The following SNX3 variants were observed in gnomAD, a reference collection of about 807,000 sequenced individuals.
SNX3 encodes sorting nexin 3, also known as sorting nexin-3.
SNX3 carries 5 observed loss-of-function variants against 17.7 expected under a neutral mutation model. The ratio of observed to expected loss-of-function variants is 0.28; its 90% confidence interval spans 0.15 to 0.59. SNX3 has a LOEUF of 0.59. SNX3 is among the 20% of genes least tolerant of loss of function. The pLI, the probability that SNX3 is intolerant of heterozygous loss-of-function variation, is 0.88. For synonymous variants in SNX3, 91 were observed against 76.5 expected, an observed-to-expected ratio of 1.19 and a Z score of -0.99; for missense variants, 132 against 206.8, an observed-to-expected ratio of 0.64 and a Z score of 2.22.
At chr6:108,240,939 G>A (rs952418492) in intron 1 of SNX3, among the ~76,000 whole-genome samples, 5 of 151,560 alleles carry the variant, frequency 3.3e-5, no homozygotes, top group Non-Finnish European at 7.4e-5. Flanking sequence ...TCAGGAGTTC[G>A]AGACCACCCT....
At chr6:108,251,127 T>A (rs927274527) in intron 1 of SNX3, among the ~76,000 whole-genome samples, 2 of 152,060 alleles carry the variant, frequency 1.3e-5, no homozygotes, top group African/African-American at 4.8e-5. Flanking sequence ...AATCTCAAGG[T>A]ATACCCCTAT....
Position 108,227,095 on chromosome 6 carries a change from A to C in SNX3, c.163-4050T>G, listed in dbSNP as rs3800221. 2.8e-3 allele frequency among the ~76,000 whole-genome samples: 432 copies of C among 152,318 alleles called. 4 individuals carry two copies. The East Asian group carries it at 0.037, about 13-fold the overall frequency. ...GGAGAGTAGAATAATTCCCAGAAAG[A>C]AAGCACTGGATTATTTCTCTCTAAT... On this transcript the variant is annotated intron_variant, in intron 1 of 3. Transcript: ENST00000230085.
At chr6:108,247,345 G>C (rs1173018972) in intron 1 of SNX3, among the ~76,000 whole-genome samples, 1 of 151,976 alleles carries the variant, frequency 6.6e-6, no homozygotes, top group African/African-American at 2.4e-5. Context: ...TGCTAAGTAA[G>C]AATGATGAAG....
chr6:108,244,647 GTTTTTTTTTTTTTT>G (rs1021781550), intron 1 of SNX3, among the ~76,000 whole-genome samples: 3 of 87,228 alleles, frequency 3.4e-5, no homozygotes, highest in African/African-American at 1.4e-4. Flanking sequence ...TAAGTAAGGA[GTTTTTTTTTTTTTT>G]TTTTTTTTTT....
At chr6:108,253,239 C>G (rs953769832) in intron 1 of SNX3, among the ~76,000 whole-genome samples, 2 of 152,168 alleles carry the variant, frequency 1.3e-5, no homozygotes, top group East Asian at 1.9e-4. Flanking sequence ...TATAAAGATT[C>G]CTTTTTTGAG....
intron 1 of SNX3, among the ~76,000 whole-genome samples, chr6:108,245,798 TG>T (rs1332850599): frequency 1.3e-5 from 2 of 152,218 alleles, no homozygotes; most frequent in Admixed American, 6.5e-5. Context: ...TTGAAGGGAT[TG>T]TTTTTTTCTT....
chr6:108,222,258 A>G (rs1206481457), intron 2 of SNX3: 2 of 1,304,272 alleles, frequency 1.5e-6, no homozygotes, highest in African/African-American at 3.0e-5. Context: ...ATAACTTTTC[A>G]TCATTCTGAG....
chr6:108,218,858 G>T (rs1774666445), intron 2 of SNX3, among the ~76,000 whole-genome samples: 2 of 152,200 alleles, frequency 1.3e-5, no homozygotes, highest in Non-Finnish European at 2.9e-5. Flanking sequence ...GAGTGAGGAA[G>T]GGTTGGGGAG....
At chr6:108,237,247 G>C in intron 1 of SNX3, among the ~76,000 whole-genome samples, 1 of 152,120 alleles carries the variant, frequency 6.6e-6, no homozygotes, top group East Asian at 1.9e-4. Context: ...ATTTAAAATT[G>C]ATTTCTAAGT....
chr6:108,231,276 G>A (rs192022362), intron 1 of SNX3, among the ~76,000 whole-genome samples: 26 of 152,242 alleles, frequency 1.7e-4, no homozygotes, highest in African/African-American at 5.1e-4. Context: ...TAGTAGAGAC[G>A]GGGTTTCACC....
intron 3 of SNX3, among the ~76,000 whole-genome samples, chr6:108,212,793 A>G (rs1277102324): frequency 6.6e-6 from 1 of 152,098 alleles, no homozygotes; most frequent in Admixed American, 6.5e-5. Context: ...CATGTACCCA[A>G]TTAGCTTTAC....
chr6:108,227,566 G>A (rs1432166005), intron 1 of SNX3, among the ~76,000 whole-genome samples: 2 of 152,158 alleles, frequency 1.3e-5, no homozygotes, highest in Non-Finnish European at 2.9e-5. Flanking sequence ...CTAATAGTTT[G>A]ATAGTTTATA....
chr6:108,225,009 G>A (rs891486128), intron 1 of SNX3, among the ~76,000 whole-genome samples: 12 of 152,284 alleles, frequency 7.9e-5, no homozygotes, highest in Admixed American at 3.9e-4. Flanking sequence ...GCGGCAGGGC[G>A]CGGTGGCTCA....
At position 108,236,639 on chromosome 6, in the gene SNX3, C is replaced by T. The variant is rs544806170; in HGVS notation, c.163-13594G>A. Reference sequence around the variant, plus strand: ...TCCTGACCTCGTGATCCGCCCGCCTCGGCCTCCCAAAGTGCTGGGATTACA... The same window carrying T: ...TCCTGACCTCGTGATCCGCCCGCCTTGGCCTCCCAAAGTGCTGGGATTACA... On this transcript the variant is annotated intron_variant, in intron 1 of 3. Transcript: ENST00000230085. 7.9e-3 allele frequency among the ~76,000 whole-genome samples: 1,202 copies of T among 152,050 alleles called. 12 individuals are homozygous for T. Among genetic ancestry groups the T allele is most frequent in the Non-Finnish European group, 0.013 (914 of 67,974 alleles).
chr6:108,232,527 A>T (rs1775199771), intron 1 of SNX3, among the ~76,000 whole-genome samples: 1 of 152,174 alleles, frequency 6.6e-6, no homozygotes, highest in African/African-American at 2.4e-5. Context: ...CTGATAGCCA[A>T]GCAGAAAACC....
chr6:108,258,513 T>C (rs558597924), intron 1 of SNX3, among the ~76,000 whole-genome samples: 1 of 152,226 alleles, frequency 6.6e-6, no homozygotes, highest in East Asian at 1.9e-4. Flanking sequence ...CAAAACCCTT[T>C]TTTCTCTCTC....
At chr6:108,235,863 C>T (rs959246612) in intron 1 of SNX3, among the ~76,000 whole-genome samples, 4 of 151,992 alleles carry the variant, frequency 2.6e-5, no homozygotes, top group East Asian at 1.9e-4. Context: ...ACTCCAGCCT[C>T]GGCGACAGAG....
At chr6:108,250,347 G>C (rs777370439) in intron 1 of SNX3, among the ~76,000 whole-genome samples, 18 of 152,170 alleles carry the variant, frequency 1.2e-4, no homozygotes, top group Admixed American at 3.3e-4. Context: ...CAACTACTCA[G>C]TTCTGCCCTT....
intron 1 of SNX3, among the ~76,000 whole-genome samples, chr6:108,227,446 T>A (rs918863783): frequency 4.6e-5 from 7 of 152,220 alleles, no homozygotes; most frequent in Non-Finnish European, 1.0e-4. Context: ...CAGCTCATTT[T>A]ACCTTCCATT....
Sources: allele counts gnomAD v4.1 joint callset (sites outside exome capture counted in the v4.1 genomes callset), GRCh38; gene constraint gnomAD v4.1.1; transcripts MANE v1.5; gene names NCBI Gene and HGNC (gene_info 2026-07-23, HGNC 2026-07-21).